Variants in CPED1 observed in about 807,000 individuals in gnomAD.
CPED1 encodes cadherin like and PC-esterase domain containing 1, also known as cadherin-like and PC-esterase domain-containing protein 1.
Under a neutral mutation model 128.2 loss-of-function variants are expected in CPED1, and 114 were observed. The ratio of observed to expected loss-of-function variants is 0.89; its 90% CI spans 0.76 to 1.04. The LOEUF is 1.04. CPED1 is among the 50% of genes least tolerant of loss of function. CPED1 has a pLI of 0.00. For missense variants in CPED1, 1,211 were observed against 1,207.1 expected, an observed-to-expected ratio of 1.00 and a Z score of -0.05; for synonymous variants, 462 against 426.7, an observed-to-expected ratio of 1.08 and a Z score of -1.02.
At chr7:121,026,663 AT>A (rs1280828809) in intron 3 of CPED1, among the ~76,000 whole-genome samples, 14 of 50,980 alleles carry the variant, frequency 2.7e-4, no homozygotes, top group Admixed American at 2.0e-3. Context: ...GGACATCATT[AT>A]TTAAAAAAAA....
intron 17 of CPED1, among the ~76,000 whole-genome samples, chr7:121,242,290 CCTAGTT>C (rs1434985885): frequency 2.0e-5 from 3 of 152,184 alleles, no homozygotes; most frequent in African/African-American, 7.2e-5. Context: ...CTGCTCAAAT[CCTAGTT>C]CTACTACTTA....
chr7:121,246,923 T>G (rs1215422591), intron 18 of CPED1, among the ~76,000 whole-genome samples: 1 of 152,212 alleles, frequency 6.6e-6, no homozygotes, highest in Non-Finnish European at 1.5e-5. Context: ...CTTCAGAACT[T>G]GCATGCTCAG....
chr7:121,079,614 C>CTTTGGCATCATA (rs1266443017), intron 5 of CPED1, among the ~76,000 whole-genome samples: 1 of 152,224 alleles, frequency 6.6e-6, no homozygotes, highest in Non-Finnish European at 1.5e-5. Context: ...TTATACTTTG[C>CTTTGGCATCATA]TTTGGCATCA....
At chr7:121,028,866 CAACA>C (rs1446738394) in intron 3 of CPED1, among the ~76,000 whole-genome samples, 1 of 152,084 alleles carries the variant, frequency 6.6e-6, no homozygotes, top group Non-Finnish European at 1.5e-5. Context: ...TGTAAACCAC[CAACA>C]AAGATAATTA....
At chr7:121,250,181 T>C (rs953778984) in intron 18 of CPED1, among the ~76,000 whole-genome samples, 8 of 151,982 alleles carry the variant, frequency 5.3e-5, no homozygotes, top group African/African-American at 1.9e-4. Flanking sequence ...TCAAAACTGC[T>C]CAACTACATG....
At chr7:121,170,273 G>C (rs1418125320) in intron 16 of CPED1, among the ~76,000 whole-genome samples, 1 of 152,088 alleles carries the variant, frequency 6.6e-6, no homozygotes, top group Non-Finnish European at 1.5e-5. Flanking sequence ...TGGAATTTGT[G>C]ACCTTTTTCC....
intron 3 of CPED1, among the ~76,000 whole-genome samples, chr7:121,026,889 G>A (rs1025825224): frequency 6.9e-6 from 1 of 144,386 alleles, no homozygotes; most frequent in Non-Finnish European, 1.5e-5. Flanking sequence ...GGAGTGCAGT[G>A]GTGCAACCAT....
chr7:121,062,698 C>T (rs1793705483), intron 4 of CPED1: 1 of 152,116 alleles, frequency 6.6e-6, no homozygotes. Flanking sequence ...GTGTCCCCAC[C>T]CAAATCTCAT....
intron 2 of CPED1, among the ~76,000 whole-genome samples, chr7:121,005,863 G>T (rs1791997236): frequency 6.6e-6 from 1 of 152,100 alleles, no homozygotes; most frequent in East Asian, 1.9e-4. Context: ...TCTTACAGTA[G>T]CACAAAAAGT....
chr7:121,004,349 G>C (rs940168115), intron 2 of CPED1, among the ~76,000 whole-genome samples: 2 of 152,296 alleles, frequency 1.3e-5, no homozygotes, highest in African/African-American at 4.8e-5. Context: ...GTGGTGACTG[G>C]ATAGGCAGTG....
intron 18 of CPED1, among the ~76,000 whole-genome samples, chr7:121,265,034 T>C (rs1792093496): frequency 1.3e-5 from 2 of 152,040 alleles, no homozygotes; most frequent in Admixed American, 6.6e-5. Flanking sequence ...GGAAAATTAA[T>C]TGTGGCTAGG....
intron 22 of CPED1, among the ~76,000 whole-genome samples, chr7:121,295,175 A>ACACACACACACACACAC (rs1562865931): frequency 6.6e-6 from 1 of 151,586 alleles, no homozygotes; most frequent in South Asian, 2.1e-4. Flanking sequence ...ACACACACAC[A>ACACACACACACACACAC]AAGACTAGAA....
At chr7:121,147,631 G>A (rs1303015390) in intron 16 of CPED1, among the ~76,000 whole-genome samples, 1 of 152,004 alleles carries the variant, frequency 6.6e-6, no homozygotes, top group African/African-American at 2.4e-5. Context: ...TTGTATAGAT[G>A]ATCTATGGTA....
At chr7:121,045,524 C>G (rs1006227955) in intron 3 of CPED1, among the ~76,000 whole-genome samples, 27 of 152,268 alleles carry the variant, frequency 1.8e-4, no homozygotes, top group African/African-American at 6.5e-4. Context: ...ATACTTTTCT[C>G]ATAAAGCCTT....
At chr7:121,134,398 G>A (rs1584537563) in intron 13 of CPED1, among the ~76,000 whole-genome samples, 1 of 152,060 alleles carries the variant, frequency 6.6e-6, no homozygotes, top group Admixed American at 6.6e-5. Flanking sequence ...AAGTAGAGAG[G>A]GTTTACCAGT....
chr7:121,214,413 C>G (rs906362563), intron 16 of CPED1, among the ~76,000 whole-genome samples: 2 of 151,990 alleles, frequency 1.3e-5, no homozygotes, highest in African/African-American at 2.4e-5. Flanking sequence ...GTGCCTTAGC[C>G]TCTGGAGTAG....
intron 16 of CPED1, among the ~76,000 whole-genome samples, chr7:121,153,685 A>G (rs1189647839): frequency 1.3e-5 from 2 of 152,252 alleles, no homozygotes; most frequent in Non-Finnish European, 2.9e-5. Flanking sequence ...ACTGCTAATT[A>G]CAAGCTATAA....
At chr7:121,146,142 A>G (rs955236517) in intron 16 of CPED1, among the ~76,000 whole-genome samples, 5 of 152,110 alleles carry the variant, frequency 3.3e-5, no homozygotes, top group Non-Finnish European at 5.9e-5. Context: ...GAGGCTGGGA[A>G]GTCCAAAATC....
intron 5 of CPED1, among the ~76,000 whole-genome samples, chr7:121,075,954 C>T (rs1282232545): frequency 6.6e-6 from 1 of 152,142 alleles, no homozygotes; most frequent in Non-Finnish European, 1.5e-5. Flanking sequence ...GCAGTTCAAA[C>T]CCATGTTGTT....
Sources: allele counts gnomAD v4.1 joint callset (sites outside exome capture counted in the v4.1 genomes callset), GRCh38; gene constraint gnomAD v4.1.1; transcripts MANE v1.5; gene names NCBI Gene and HGNC (gene_info 2026-07-23, HGNC 2026-07-21).